Variants in DNAH11 observed in about 807,000 individuals in gnomAD.
The protein encoded by DNAH11 is dynein axonemal heavy chain 11.
In DNAH11, 442 loss-of-function variants were observed where a neutral mutation model predicts 526.0. That is an observed-to-expected ratio of 0.84 (90% CI 0.78 to 0.91). DNAH11 has a LOEUF of 0.91. DNAH11 is among the 40% of genes least tolerant of loss of function. The pLI is 0.00. For missense variants in DNAH11, 6,989 were observed against 5,448.7 expected (o/e 1.28, Z -8.90); for synonymous variants, 2,461 against 1,935.9 (o/e 1.27, Z -7.12).
At chr7:21,866,049 TG>T (rs1442772017) in intron 70 of DNAH11, among the ~76,000 whole-genome samples, 2 of 152,204 alleles carry the variant, frequency 1.3e-5, no homozygotes, top group East Asian at 3.9e-4. Context: ...CTTTATGACC[TG>T]TATCTTGTGC....
intron 74 of DNAH11, 22 bp from the exon 75 acceptor site, chr7:21,880,680 C>G: frequency 6.2e-7 from 1 of 1,612,262 alleles, no homozygotes; most frequent in Non-Finnish European, 8.5e-7. Context: ...GATAATCAAG[C>G]ATTTCTTCTC....
chr7:21,706,249 T>A (rs1424156649), intron 39 of DNAH11, among the ~76,000 whole-genome samples: 1 of 152,148 alleles, frequency 6.6e-6, no homozygotes, highest in African/African-American at 2.4e-5. Flanking sequence ...TTGGTCTTAC[T>A]GACAGTCCTG....
chr7:21,605,449 G>A (rs970113990), intron 18 of DNAH11, among the ~76,000 whole-genome samples: 6 of 152,172 alleles, frequency 3.9e-5, no homozygotes, highest in Admixed American at 6.5e-5. Flanking sequence ...TGTCCTATTT[G>A]CATTGTAGGC....
rs1394965402 is a variant in DNAH11 at position 21,862,563 on chromosome 7, T to C, written c.11373+540T>C. Among the ~76,000 whole-genome samples the C allele has an allele frequency of 2.6e-5, 4 of 152,194 alleles. No homozygotes were observed. In the East Asian group the frequency reaches 7.7e-4, roughly 29 times the overall value. On this transcript the variant is annotated intron_variant, in intron 69 of 81. Transcript: ENST00000409508. The stretch of plus-strand genomic sequence containing the variant: ...ATAAGTATGTGAGGAGATGGATATA[T>C]GAATTAGCTTAATTTAACCATTCTA...
At chr7:21,823,971 C>G (rs1441746532) in intron 65 of DNAH11, among the ~76,000 whole-genome samples, 1 of 152,116 alleles carries the variant, frequency 6.6e-6, no homozygotes, top group Non-Finnish European at 1.5e-5. Context: ...AGCCTAGAGC[C>G]TGTTCAGGAT....
chr7:21,882,256 GACCA>G (rs894077318), intron 75 of DNAH11, among the ~76,000 whole-genome samples: 34 of 152,238 alleles, frequency 2.2e-4, no homozygotes, highest in African/African-American at 8.2e-4. Context: ...AACACCAGTT[GACCA>G]ACCGAGTCAC....
At chr7:21,727,538 A>G (rs896008941) in intron 45 of DNAH11, among the ~76,000 whole-genome samples, 13 of 152,352 alleles carry the variant, frequency 8.5e-5, no homozygotes, top group Admixed American at 4.6e-4. Context: ...TTCTTTTCAT[A>G]GATTGCTCTT....
At chr7:21,553,910 A>T (rs1435184106) in intron 2 of DNAH11, among the ~76,000 whole-genome samples, 3 of 148,492 alleles carry the variant, frequency 2.0e-5, no homozygotes, top group African/African-American at 2.5e-5. Flanking sequence ...AATCCTTTGT[A>T]ATTTTTTTTT....
intron 5 of DNAH11, among the ~76,000 whole-genome samples, chr7:21,561,692 C>T (rs1380276826): frequency 2.9e-4 from 44 of 152,116 alleles, no homozygotes; most frequent in Admixed American, 2.9e-3. Flanking sequence ...GATATCCAGT[C>T]GAAAGTCTTC....
chr7:21,585,892 G>A (rs1255504271), intron 9 of DNAH11, among the ~76,000 whole-genome samples: 4 of 152,126 alleles, frequency 2.6e-5, no homozygotes, highest in Admixed American at 6.5e-5. Context: ...AGAAGCATGT[G>A]GTGGGAATTA....
rs183484171 is a variant in DNAH11 at position 21,605,849 on chromosome 7, A to T, written c.3649-577A>T. On this transcript the variant is annotated intron_variant, in intron 18 of 81. Coordinates refer to ENST00000409508, the MANE Select transcript of DNAH11 (RefSeq NM_001277115.2). ...TAGGAGATTTGTGTTTATTTTAAAA[A>T]GATTTCCATGGATTCTGAGATGAGA... Among the ~76,000 whole-genome samples, 80 of 152,348 alleles carry T rather than the reference A, an allele frequency of 5.3e-4. 2 individuals carry two copies. Among genetic ancestry groups the T allele is most frequent in the African/African-American group, 1.9e-3 (78 of 41,592 alleles).
intron 65 of DNAH11, among the ~76,000 whole-genome samples, chr7:21,840,730 AT>A (rs988562812): frequency 6.6e-6 from 1 of 152,250 alleles, no homozygotes; most frequent in African/African-American, 2.4e-5. Context: ...AATTAAAAAA[AT>A]AACATGAATT....
rs754198791 is a variant in DNAH11, at chr7:21,681,653, G to A, written c.5436G>A (p.Val1812=). Reference sequence around the variant, plus strand: ...CCATAGATGTCCATGCCAGAGACGTGGTGGCAAAACTTATTTCTCAGAAGG... The same window carrying A: ...CCATAGATGTCCATGCCAGAGACGTAGTGGCAAAACTTATTTCTCAGAAGG... ...ICTIDVHARD[V]VAKLISQKVV... Residue 1812 remains valine, a synonymous_variant, in exon 31 of 82, where the codon GTG becomes GTA. Transcript: ENST00000409508. The A allele has an allele frequency of 3.7e-6, 6 of 1,613,858 alleles. No homozygotes were observed. In the East Asian group the frequency reaches 1.1e-4, roughly 30 times the overall value.
intron 55 of DNAH11, among the ~76,000 whole-genome samples, chr7:21,771,563 T>G (rs1787435201): frequency 6.6e-6 from 1 of 152,178 alleles, no homozygotes; most frequent in African/African-American, 2.4e-5. Flanking sequence ...ATCTTTGCAT[T>G]TGATTATGCG....
intron 73 of DNAH11, among the ~76,000 whole-genome samples, chr7:21,870,152 A>T (rs1036060365): frequency 6.6e-6 from 1 of 152,202 alleles, no homozygotes; most frequent in East Asian, 1.9e-4. Flanking sequence ...CCTCAAGGCC[A>T]CAGGGCTGAT....
intron 65 of DNAH11, among the ~76,000 whole-genome samples, chr7:21,835,894 A>G (rs1002121683): frequency 1.3e-5 from 2 of 151,882 alleles, no homozygotes; most frequent in Non-Finnish European, 2.9e-5. Flanking sequence ...CGTTAGAACT[A>G]ATAAACAAAT....
At chr7:21,648,084 T>C (rs1439927307) in intron 28 of DNAH11, among the ~76,000 whole-genome samples, 1 of 152,164 alleles carries the variant, frequency 6.6e-6, no homozygotes, top group East Asian at 1.9e-4. Context: ...TATATGTAAG[T>C]TTAAATACTG....
chr7:21,603,310 G>A (rs1197180072), intron 18 of DNAH11, among the ~76,000 whole-genome samples: 3 of 152,186 alleles, frequency 2.0e-5, no homozygotes, highest in African/African-American at 4.8e-5. Flanking sequence ...CCACTCGTCT[G>A]TCAATGGACA....
intron 2 of DNAH11, among the ~76,000 whole-genome samples, chr7:21,548,428 A>G (rs758607996): frequency 2.6e-5 from 4 of 152,156 alleles, no homozygotes; most frequent in East Asian, 3.9e-4. Context: ...GCTAACTTAA[A>G]CCCAGAGCTC....
Sources: gnomAD v4.1 joint callset for allele counts (sites outside exome capture counted in the v4.1 genomes callset) on GRCh38, gnomAD v4.1.1 for gene constraint, MANE v1.5 for transcripts, NCBI Gene and HGNC (gene_info 2026-07-23, HGNC 2026-07-21) for gene names.